Variants in DACH2 observed in about 807,000 individuals in gnomAD.
The protein encoded by DACH2 is dachshund homolog 2.
In DACH2, 17 loss-of-function variants were observed where a neutral mutation model predicts 35.8. The ratio of observed to expected loss-of-function variants is 0.48; its 90% confidence interval spans 0.33 to 0.71. The LOEUF is 0.71. DACH2 is among the 30% of genes least tolerant of loss of function. The pLI is 0.02. For missense variants in DACH2, 469 were observed against 472.7 expected (o/e 0.99, Z 0.07); for synonymous variants, 195 against 177.3 (o/e 1.10, Z -0.79).
At chrX:86,322,577 C>T (rs1169372803) in intron 1 of DACH2, among the ~76,000 whole-genome samples, 2 of 111,810 alleles carry the variant, frequency 1.8e-5, no homozygotes, top group African/African-American at 6.5e-5. Flanking sequence ...TCACAATTGC[C>T]TATGTGACCT....
At chrX:86,756,984 G>A (rs2041835715) in intron 7 of DACH2, among the ~76,000 whole-genome samples, 1 of 111,125 alleles carries the variant, frequency 9.0e-6, no homozygotes, top group Non-Finnish European at 1.9e-5. Flanking sequence ...CTATTGAGAT[G>A]ATCATATTTT....
At chrX:86,310,489 C>A (rs1384549513) in intron 1 of DACH2, among the ~76,000 whole-genome samples, 1 of 111,412 alleles carries the variant, frequency 9.0e-6, no homozygotes, top group Non-Finnish European at 1.9e-5. Context: ...TATGCAGGCA[C>A]CACCCAAAAG....
At chrX:86,504,477 C>CTTATTTAT (rs200198428) in intron 2 of DACH2, among the ~76,000 whole-genome samples, 305 of 101,713 alleles carry the variant, frequency 3.0e-3, no homozygotes, top group Non-Finnish European at 4.1e-3. Flanking sequence ...AAAAATAGAT[C>CTTATTTAT]TTATTTATTT....
intron 1 of DACH2, among the ~76,000 whole-genome samples, chrX:86,369,030 A>G (rs1038632788): frequency 9.0e-6 from 1 of 111,148 alleles, no homozygotes; most frequent in Non-Finnish European, 1.9e-5. Flanking sequence ...ATTACATATG[A>G]AAATATATGA....
chrX:86,312,783 C>G (rs1175956458), intron 1 of DACH2, among the ~76,000 whole-genome samples: 1 of 111,655 alleles, frequency 9.0e-6, no homozygotes, highest in African/African-American at 3.3e-5. Context: ...AGCTTGCAGA[C>G]AGCCTATTGT....
At chrX:86,357,899 G>A (rs73518195) in intron 1 of DACH2, among the ~76,000 whole-genome samples, 2,892 of 111,988 alleles carry the variant, frequency 0.026, 74 homozygotes, top group East Asian at 0.21. Flanking sequence ...CTTCAATCAA[G>A]GGCTTAGGTC....
At chrX:86,515,849 G>T (rs184973694) in intron 3 of DACH2, among the ~76,000 whole-genome samples, 2 of 112,678 alleles carry the variant, frequency 1.8e-5, no homozygotes. Context: ...AGCAATGAAG[G>T]TAATGAAATG....
At chrX:86,654,951 C>A (rs1390000347) in intron 4 of DACH2, among the ~76,000 whole-genome samples, 1 of 111,700 alleles carries the variant, frequency 9.0e-6, no homozygotes, top group African/African-American at 3.2e-5. Context: ...GTATTTCAAG[C>A]ATTTTAGATC....
At chrX:86,745,747 T>TA (rs1384112471) in intron 7 of DACH2, among the ~76,000 whole-genome samples, 1 of 111,756 alleles carries the variant, frequency 8.9e-6, no homozygotes, top group Non-Finnish European at 1.9e-5. Flanking sequence ...TTTGGGTACA[T>TA]ATCCAATAAT....
chrX:86,295,074 C>T (rs1029516853), intron 1 of DACH2, among the ~76,000 whole-genome samples: 83 of 112,827 alleles, frequency 7.4e-4, no homozygotes, highest in East Asian at 5.6e-4. Flanking sequence ...ATCAGCCAGA[C>T]TCCGTGGGCG....
chrX:86,557,170 C>G (rs2039143492), intron 3 of DACH2, among the ~76,000 whole-genome samples: 1 of 110,986 alleles, frequency 9.0e-6, no homozygotes, highest in South Asian at 3.8e-4. Flanking sequence ...GATGGGATAT[C>G]TACCCACATT....
At chrX:86,400,499 T>C (rs2036404253) in intron 2 of DACH2, among the ~76,000 whole-genome samples, 1 of 111,406 alleles carries the variant, frequency 9.0e-6, no homozygotes, top group South Asian at 3.8e-4. Context: ...TTTTTCCCCA[T>C]CTTTGTGGTT....
intron 6 of DACH2, among the ~76,000 whole-genome samples, chrX:86,734,451 C>T (rs1212165765): frequency 1.8e-5 from 2 of 111,131 alleles, no homozygotes; most frequent in African/African-American, 6.5e-5. Flanking sequence ...ATTGCGGATT[C>T]ACTGTTTCAT....
At chrX:86,781,011 T>A (rs2147309079) in intron 7 of DACH2, among the ~76,000 whole-genome samples, 1 of 111,396 alleles carries the variant, frequency 9.0e-6, no homozygotes, top group South Asian at 3.8e-4. Flanking sequence ...GAAAGGTTCA[T>A]CAGAGTTTAT....
chrX:86,168,013 G>A (rs760576463), intron 1 of DACH2, among the ~76,000 whole-genome samples: 3 of 111,560 alleles, frequency 2.7e-5, no homozygotes, highest in Admixed American at 9.5e-5. Flanking sequence ...TGTGTATCCC[G>A]CAGCTCTTGG....
At chrX:86,469,225 G>A (rs1352393191) in intron 2 of DACH2, among the ~76,000 whole-genome samples, 1 of 110,512 alleles carries the variant, frequency 9.0e-6, no homozygotes, top group Non-Finnish European at 1.9e-5. Context: ...AGGAGATGTT[G>A]GACAAAGGAC....
chrX:86,725,116 A>T (rs2041451449), intron 6 of DACH2, among the ~76,000 whole-genome samples: 1 of 109,387 alleles, frequency 9.1e-6, no homozygotes, highest in Admixed American at 9.8e-5. Context: ...ATTTGTTTTC[A>T]GATTTCTCTT....
chrX:86,778,630 A>T (rs894380319), intron 7 of DACH2, among the ~76,000 whole-genome samples: 1 of 110,469 alleles, frequency 9.1e-6, no homozygotes, highest in Admixed American at 9.6e-5. Context: ...CTTTTTTTTG[A>T]GACAGAGTCT....
intron 3 of DACH2, among the ~76,000 whole-genome samples, chrX:86,568,862 A>C (rs938938321): frequency 2.7e-5 from 3 of 111,249 alleles, no homozygotes; most frequent in African/African-American, 6.5e-5. Context: ...AAAAACCCAC[A>C]GTTATGGAGA....
Sources: allele counts gnomAD v4.1 joint callset (sites outside exome capture counted in the v4.1 genomes callset), GRCh38; gene constraint gnomAD v4.1.1; transcripts MANE v1.5; gene names NCBI Gene and HGNC (gene_info 2026-07-23, HGNC 2026-07-21).